RANBP2: variants seen among roughly 807,000 people sequenced by gnomAD.
The protein encoded by RANBP2 is RAN binding protein 2.
In RANBP2, 57 loss-of-function variants were observed where a neutral mutation model predicts 303.6. That is an observed-to-expected ratio of 0.19 (90% CI 0.15 to 0.23). The LOEUF is 0.23. Ranked by LOEUF, RANBP2 falls within the 10% of genes least tolerant of loss-of-function variation. The probability of loss-of-function intolerance (pLI) is 1.00; values close to 1 mark genes in which losing one functional copy is unlikely to be tolerated. For synonymous variants in RANBP2, 1,167 were observed against 1,301.5 expected (o/e 0.90, Z 2.23); for missense variants, 3,138 against 3,780.8 (o/e 0.83, Z 4.46).
the RANBP2 span, among the ~76,000 whole-genome samples, chr2:108,865,150 A>G: frequency 6.6e-6 from 1 of 151,984 alleles, no homozygotes; most frequent in African/African-American, 2.4e-5. Flanking sequence ...TATTTTATAT[A>G]GATATATATT....
At chr2:109,563,960 AAAAT>A in the RANBP2 span, among the ~76,000 whole-genome samples, 5 of 152,216 alleles carry the variant, frequency 3.3e-5, no homozygotes, top group Admixed American at 6.5e-5. Context: ...GTCTCTACAA[AAAAT>A]AAATAAATAA....
the RANBP2 span, among the ~76,000 whole-genome samples, chr2:109,157,326 T>G: frequency 6.6e-6 from 1 of 152,348 alleles, no homozygotes; most frequent in South Asian, 2.1e-4. Context: ...TTTAAAAACT[T>G]AAAATTCAAT....
At chr2:108,742,718 A>T (rs1287936954) in intron 7 of RANBP2, among the ~76,000 whole-genome samples, 2 of 152,246 alleles carry the variant, frequency 1.3e-5, no homozygotes, top group Non-Finnish European at 2.9e-5. Context: ...TAATGGATTT[A>T]GTGAGGTTCA....
At chr2:109,148,480 G>A in the RANBP2 span, among the ~76,000 whole-genome samples, 16 of 152,200 alleles carry the variant, frequency 1.1e-4, no homozygotes, top group Non-Finnish European at 2.2e-4. Flanking sequence ...ATTTCTGCAC[G>A]TGTGGGCTGA....
chr2:109,703,529 A>T, the RANBP2 span, among the ~76,000 whole-genome samples: 1 of 152,174 alleles, frequency 6.6e-6, no homozygotes, highest in Non-Finnish European at 1.5e-5. Context: ...CCTGGGTTCA[A>T]GCAGTTCTCC....
chr2:109,236,862 A>C, the RANBP2 span, among the ~76,000 whole-genome samples: 1 of 152,206 alleles, frequency 6.6e-6, no homozygotes. Context: ...TCCGGCTGTG[A>C]AACGCTGCAG....
the RANBP2 span, among the ~76,000 whole-genome samples, chr2:109,571,452 T>A: frequency 6.6e-6 from 1 of 152,212 alleles, no homozygotes; most frequent in African/African-American, 2.4e-5. Context: ...CTGTACAGCA[T>A]GTAACTATAC....
chr2:109,246,527 A>G, the RANBP2 span, among the ~76,000 whole-genome samples: 9 of 152,238 alleles, frequency 5.9e-5, no homozygotes, highest in Admixed American at 3.9e-4. Flanking sequence ...CATTCAGTCC[A>G]TTGCATACTC....
the RANBP2 span, among the ~76,000 whole-genome samples, chr2:109,067,752 G>A: frequency 1.3e-5 from 2 of 152,146 alleles, no homozygotes; most frequent in East Asian, 3.9e-4. Context: ...GCTGATTCCT[G>A]GAGTCATCTT....
Position 108,753,089 on chromosome 2 carries a change from T to G in RANBP2, c.1847T>G (p.Ile616Arg). 1 of 1,610,120 alleles carries G rather than the reference T, an allele frequency of 6.2e-7. No individual in the cohort carries two copies. Among genetic ancestry groups the G allele is most frequent in the Non-Finnish European group, 8.5e-7 (1 of 1,179,010 alleles). The change falls in exon 13 of 29, where the codon ATA (isoleucine) becomes AGA (arginine). Residue 616 changes from isoleucine (I) to arginine (R), a missense_variant. Physicochemically the swap from Ile to Arg is moderately conservative, Grantham distance 97. This residue lies in a region of RANBP2 where 162 missense variants were observed against 286.9 expected (regional missense o/e 0.56). Coordinates refer to ENST00000283195, the MANE Select transcript of RANBP2 (RefSeq NM_006267.5). ...WKKVLPLLKIIKKKNSIPEPI... is the reference protein window; with the variant it reads ...WKKVLPLLKIRKKKNSIPEPI... ...AAAGTTTTGCCATTGTTGAAGATAA[T>G]AAAAAAGAAGAACAGTATTCCTGAA... is the stretch of plus-strand genomic sequence containing the variant.
At chr2:109,651,528 G>C in the RANBP2 span, among the ~76,000 whole-genome samples, 24 of 152,324 alleles carry the variant, frequency 1.6e-4, no homozygotes, top group African/African-American at 5.8e-4. Flanking sequence ...GACTGCTGTT[G>C]CACCAAGCAC....
intron 9 of RANBP2, among the ~76,000 whole-genome samples, chr2:108,750,898 G>C (rs1298231866): frequency 9.9e-5 from 15 of 152,176 alleles, no homozygotes; most frequent in Non-Finnish European, 1.6e-4. Flanking sequence ...ATATAGTGGT[G>C]TTCCATTGCT....
the RANBP2 span, chr2:109,128,631 T>G: frequency 1.2e-5 from 2 of 160,302 alleles, no homozygotes; most frequent in African/African-American, 4.8e-5. Flanking sequence ...GAGTCTGAAC[T>G]GGGAGCGCTC....
intron 20 of RANBP2, 145 bp downstream of exon 20, chr2:108,768,533 C>T: frequency 6.8e-7 from 1 of 1,468,396 alleles, no homozygotes. Context: ...TTTTTTTCTC[C>T]CTTAATAAGT....
chr2:108,839,295 A>G, the RANBP2 span: 1 of 1,609,986 alleles, frequency 6.2e-7, no homozygotes, highest in Non-Finnish European at 8.5e-7. Flanking sequence ...TAGATGCTGG[A>G]GCACAGGTAA....
the RANBP2 span, among the ~76,000 whole-genome samples, chr2:109,210,979 G>A: frequency 1.3e-5 from 2 of 152,192 alleles, no homozygotes; most frequent in African/African-American, 4.8e-5. Context: ...TGGATGGGGT[G>A]CACACCCGCT....
chr2:108,734,760 A>G (rs1278579472), intron 4 of RANBP2, among the ~76,000 whole-genome samples: 47 of 151,998 alleles, frequency 3.1e-4, no homozygotes, highest in Admixed American at 1.9e-3. Flanking sequence ...TGACCAAAAT[A>G]CAGATTTTGA....
chr2:109,033,892 G>A, the RANBP2 span, among the ~76,000 whole-genome samples: 1 of 149,542 alleles, frequency 6.7e-6, no homozygotes, highest in African/African-American at 2.5e-5. Context: ...GGAGGCAGAG[G>A]CTGCAGTGAG....
the RANBP2 span, among the ~76,000 whole-genome samples, chr2:109,742,368 C>T: frequency 2.3e-5 from 3 of 131,846 alleles, no homozygotes; most frequent in African/African-American, 9.3e-5. Context: ...TTGCAGTGAG[C>T]CGAGACCGTG....
Sources: gnomAD v4.1 joint callset for allele counts (sites outside exome capture counted in the v4.1 genomes callset) on GRCh38, gnomAD v4.1.1 for gene constraint, gnomAD v4.1.1 regional missense constraint, MANE v1.5 for transcripts, NCBI Gene and HGNC (gene_info 2026-07-23, HGNC 2026-07-21) for gene names.